Variants in ZNF503 observed in about 807,000 individuals in gnomAD.
The protein encoded by ZNF503 is zinc finger protein 503, also known as NocA-like zinc finger 2.
ZNF503 carries 15 observed loss-of-function variants against 34.4 expected under a neutral mutation model. The observed-to-expected ratio is 0.44, with a 90% confidence interval of 0.29 to 0.67. ZNF503 has a LOEUF of 0.67. ZNF503 is among the 30% of genes least tolerant of loss of function. ZNF503 has a pLI of 0.13. For synonymous variants in ZNF503, 580 were observed against 456.8 expected (o/e 1.27, Z -3.44); for missense variants, 1,007 against 926.8 (o/e 1.09, Z -1.12).
At chr10:75,391,657 C>G in the ZNF503 span, among the ~76,000 whole-genome samples, 685 of 152,322 alleles carry the variant, frequency 4.5e-3, 3 homozygotes, top group Non-Finnish European at 5.0e-3. Flanking sequence ...GCTACTTTTT[C>G]TCCTACCCTC....
At chr10:75,332,621 G>A in the ZNF503 span, among the ~76,000 whole-genome samples, 4 of 144,610 alleles carry the variant, frequency 2.8e-5, no homozygotes, top group Non-Finnish European at 6.0e-5. Context: ...AGGACCCTGC[G>A]GCCTTCCGCA....
chr10:75,351,294 C>T, the ZNF503 span, among the ~76,000 whole-genome samples: 1 of 152,174 alleles, frequency 6.6e-6, no homozygotes, highest in South Asian at 2.1e-4. Flanking sequence ...GCCTCAGCCT[C>T]CTGAGTAGCT....
At chr10:75,298,738 C>T in the ZNF503 span, among the ~76,000 whole-genome samples, 14 of 151,924 alleles carry the variant, frequency 9.2e-5, no homozygotes, top group Admixed American at 5.2e-4. Context: ...CTGGGTCATG[C>T]GCTGACTAGG....
downstream of ZNF503, among the ~76,000 whole-genome samples, chr10:75,394,608 T>C (rs1211731942): frequency 6.6e-6 from 1 of 152,246 alleles, no homozygotes; most frequent in Admixed American, 6.5e-5. Context: ...GGGGCTTTTT[T>C]ATCTGCCTTT....
the ZNF503 span, among the ~76,000 whole-genome samples, chr10:75,380,827 A>G: frequency 2.0e-5 from 3 of 152,194 alleles, no homozygotes; most frequent in South Asian, 6.2e-4. Context: ...TCAAAGTTCC[A>G]TGCAATTTTA....
the ZNF503 span, among the ~76,000 whole-genome samples, chr10:75,389,202 C>T: frequency 6.6e-6 from 1 of 152,172 alleles, no homozygotes; most frequent in Non-Finnish European, 1.5e-5. Context: ...TCTGAGATGT[C>T]TCTTCCTTGT....
At chr10:75,344,244 C>G in the ZNF503 span, among the ~76,000 whole-genome samples, 1 of 152,222 alleles carries the variant, frequency 6.6e-6, no homozygotes, top group Non-Finnish European at 1.5e-5. Context: ...GGAAGGGGCC[C>G]TGGGGCCGTG....
In ZNF503 at chr10:75,399,481, G is replaced by A. The variant is rs969246845; in HGVS notation, c.1209C>T (p.Gly403=). ...QLAAAAAGSL[G]CSKPAGSSPL... ...GGCTGGAGCCGGCCGGCTTACTGCA[G>A]CCCAGAGACCCGGCCGCGGCCGCCG... Residue 403 remains glycine, a synonymous_variant, in exon 2 of 2, where the codon GGC becomes GGT. Coordinates refer to ENST00000372524, the MANE Select transcript of ZNF503 (RefSeq NM_032772.6). 1.3e-6 allele frequency: 2 copies of A among 1,577,456 alleles called. No homozygotes were observed. Among genetic ancestry groups the A allele is most frequent in the African/African-American group, 1.3e-5 (1 of 74,268 alleles).
At chr10:75,317,989 C>G in the ZNF503 span, among the ~76,000 whole-genome samples, 1 of 152,046 alleles carries the variant, frequency 6.6e-6, no homozygotes, top group Non-Finnish European at 1.5e-5. Flanking sequence ...GAGCGAGACT[C>G]TGTCTCAACA....
At chr10:75,314,431 GA>G in the ZNF503 span, among the ~76,000 whole-genome samples, 1 of 152,080 alleles carries the variant, frequency 6.6e-6, no homozygotes, top group Non-Finnish European at 1.5e-5. Context: ...ATCTACAGCA[GA>G]CTTGATCAAG....
chr10:75,396,620 A>C (rs1843700466), downstream of ZNF503, among the ~76,000 whole-genome samples: 1 of 152,288 alleles, frequency 6.6e-6, no homozygotes, highest in South Asian at 2.1e-4. The surrounding 1 kb of genome is among the most constrained non-coding windows in gnomAD (Gnocchi z 4.4). Context: ...CAGAGGCAAC[A>C]GGGGTACCTG....
the ZNF503 span, among the ~76,000 whole-genome samples, chr10:75,285,124 A>G: frequency 3.3e-5 from 5 of 152,210 alleles, no homozygotes; most frequent in African/African-American, 1.2e-4. Context: ...TGTGTTTATT[A>G]TTTGTTATTA....
chr10:75,337,104 G>A, the ZNF503 span, among the ~76,000 whole-genome samples: 1 of 150,638 alleles, frequency 6.6e-6, no homozygotes. Flanking sequence ...CAGGTGAATT[G>A]CTTGAGCCCA....
the ZNF503 span, among the ~76,000 whole-genome samples, chr10:75,345,553 T>C: frequency 6.9e-6 from 1 of 145,390 alleles, no homozygotes; most frequent in Non-Finnish European, 1.5e-5. Flanking sequence ...GAGAATCACT[T>C]GAACCTGGGA....
intron 1 of ZNF503, 161 bp downstream of exon 1, chr10:75,400,944 T>A (rs1843794436): frequency 3.7e-6 from 4 of 1,080,386 alleles, no homozygotes; most frequent in Non-Finnish European, 4.0e-6. Flanking sequence ...CCTCCCCCTT[T>A]TCCGCCCTAG....
chr10:75,382,484 A>AT, the ZNF503 span: 1 of 720,054 alleles, frequency 1.4e-6, no homozygotes. Flanking sequence ...GGCAGCCTGG[A>AT]TTTTGACAGC....
chr10:75,333,176 T>G, the ZNF503 span, among the ~76,000 whole-genome samples: 1 of 96,640 alleles, frequency 1.0e-5, no homozygotes, highest in African/African-American at 4.3e-5. Context: ...CCAGTAGGGG[T>G]GGCCGGGCAG....
At position 75,398,644 on chromosome 10, in the gene ZNF503, C is replaced by T. The variant is rs1843733925; in HGVS notation, c.*105G>A. 3 of 1,089,510 alleles carry T rather than the reference C, an allele frequency of 2.8e-6. No homozygotes were observed. The highest frequency in any genetic ancestry group is 1.2e-6 in the Non-Finnish European group (1 of 846,066). 67.5% of individuals were successfully genotyped at this position (1,089,510 alleles called of 1,614,324 possible). ...TTTCTTTCCTTTCGTGGCCCGAGTC[C>T]TCCCCACGCGCGGGTGTCAGCAGCC... On this transcript the variant is annotated 3_prime_UTR_variant, in exon 2 of 2. Transcript: ENST00000372524.
At chr10:75,318,419 C>T in the ZNF503 span, among the ~76,000 whole-genome samples, 6 of 152,030 alleles carry the variant, frequency 3.9e-5, no homozygotes, top group African/African-American at 1.4e-4. Flanking sequence ...ACCTGTAATC[C>T]CAGCACTTTG....
Sources: allele counts gnomAD v4.1 joint callset (sites outside exome capture counted in the v4.1 genomes callset), GRCh38; gene constraint gnomAD v4.1.1; non-coding constraint Gnocchi (gnomAD v3.1); transcripts MANE v1.5; gene names NCBI Gene and HGNC (gene_info 2026-07-23, HGNC 2026-07-21).